MARK1: variants seen among roughly 807,000 people sequenced by gnomAD.
MARK1 encodes microtubule affinity regulating kinase 1.
A neutral mutation model predicts 96.3 loss-of-function variants in MARK1; 40 were observed. The observed-to-expected ratio is 0.42, with a 90% CI of 0.32 to 0.54. The LOEUF (loss-of-function observed/expected upper bound fraction) is 0.54, where lower values mean the gene tolerates loss of function less well. Ranked by LOEUF, MARK1 falls within the 20% of genes least tolerant of loss-of-function variation. The pLI is 0.16. For missense variants in MARK1, 719 were observed against 984.6 expected, an observed-to-expected ratio of 0.73 and a Z score of 3.61; for synonymous variants, 317 against 341.2, an observed-to-expected ratio of 0.93 and a Z score of 0.78.
intron 1 of MARK1, among the ~76,000 whole-genome samples, chr1:220,570,728 CT>C (rs1367932603): frequency 6.6e-6 from 1 of 152,004 alleles, no homozygotes; most frequent in Non-Finnish European, 1.5e-5. Flanking sequence ...GGCTACTTTT[CT>C]TCATTATTAT....
In MARK1 at chr1:220,533,012, T is replaced by TTA. The variant is rs1553311291; in HGVS notation, c.51+4139_51+4140insTA. ...GTGACAGAGTGTGAACCCTTTTTTT[T>TTA]AAAAAAAAAAATAGATTTTAGAAGA... On this transcript the variant is annotated intron_variant, in intron 1 of 17. Coordinates refer to ENST00000366917, the MANE Select transcript of MARK1 (RefSeq NM_018650.5). 7.5e-3 allele frequency among the ~76,000 whole-genome samples: 1,133 copies of TTA among 150,570 alleles called. 11 individuals carry two copies. Among genetic ancestry groups the TTA allele is most frequent in the African/African-American group, 0.023 (931 of 40,956 alleles).
At chr1:220,570,737 T>C (rs1326514548) in intron 1 of MARK1, among the ~76,000 whole-genome samples, 1 of 152,198 alleles carries the variant, frequency 6.6e-6, no homozygotes, top group African/African-American at 2.4e-5. Flanking sequence ...TCTTCATTAT[T>C]ATCTTACTGT....
chr1:220,641,100 T>C (rs1230614403), intron 13 of MARK1, among the ~76,000 whole-genome samples: 2 of 152,240 alleles, frequency 1.3e-5, no homozygotes, highest in Non-Finnish European at 2.9e-5. Flanking sequence ...GACACAAATA[T>C]GTTGTGCTGT....
intron 13 of MARK1, among the ~76,000 whole-genome samples, chr1:220,645,839 C>A (rs544243450): frequency 6.6e-6 from 1 of 152,050 alleles, no homozygotes; most frequent in Non-Finnish European, 1.5e-5. Flanking sequence ...AAAAAGCCTT[C>A]GATAAAATTC....
intron 3 of MARK1, among the ~76,000 whole-genome samples, chr1:220,594,134 T>C (rs1665169756): frequency 6.6e-6 from 1 of 152,218 alleles, no homozygotes; most frequent in Non-Finnish European, 1.5e-5. Context: ...CATCTGGTAT[T>C]GTTGAGGATT....
At chr1:220,635,647 T>G (rs1377769930) in intron 12 of MARK1, 118 bp downstream of exon 12, 5 of 1,224,856 alleles carry the variant, frequency 4.1e-6, no homozygotes, top group Non-Finnish European at 5.6e-6. Context: ...CACAGACTTA[T>G]ATTACTGAAT....
chr1:220,628,648 A>C (rs1034019301), intron 9 of MARK1, among the ~76,000 whole-genome samples: 1 of 152,054 alleles, frequency 6.6e-6, no homozygotes, highest in Non-Finnish European at 1.5e-5. Context: ...GCCCTCTTCT[A>C]TTCATTCTTA....
At chr1:220,580,024 G>A (rs1664127274) in intron 2 of MARK1, among the ~76,000 whole-genome samples, 1 of 152,020 alleles carries the variant, frequency 6.6e-6, no homozygotes, top group Admixed American at 6.6e-5. Context: ...AAAATCTCGT[G>A]TGTTTTAAGT....
At chr1:220,564,211 T>C (rs1241706404) in intron 1 of MARK1, among the ~76,000 whole-genome samples, 1 of 152,208 alleles carries the variant, frequency 6.6e-6, no homozygotes, top group East Asian at 1.9e-4. Flanking sequence ...GTGTTTTTAG[T>C]CTGTAACTTC....
At chr1:220,538,720 A>G (rs976360772) in intron 1 of MARK1, among the ~76,000 whole-genome samples, 1 of 152,132 alleles carries the variant, frequency 6.6e-6, no homozygotes, top group Non-Finnish European at 1.5e-5. Flanking sequence ...ATGTTCTTCC[A>G]TTTGTTTGTA....
chr1:220,660,938 G>A (rs1036233402), intron 17 of MARK1, among the ~76,000 whole-genome samples: 7 of 152,324 alleles, frequency 4.6e-5, no homozygotes, highest in African/African-American at 1.7e-4. Flanking sequence ...GTTAGAATGT[G>A]TAAGTGCTAT....
chr1:220,599,455 T>C (rs1382946652), intron 4 of MARK1, among the ~76,000 whole-genome samples: 1 of 152,134 alleles, frequency 6.6e-6, no homozygotes, highest in African/African-American at 2.4e-5. Context: ...GATGTCTCAC[T>C]GTAATGTAAC....
chr1:220,652,150 G>A lies in MARK1; in HGVS notation c.1736G>A (p.Gly579Asp). ...GACGGCTCTGAAGCTTACCGGCCTGGGTAATGTGTTGGTTACATCTCATTT... is the reference window on the plus strand; with the variant it reads ...GACGGCTCTGAAGCTTACCGGCCTGAGTAATGTGTTGGTTACATCTCATTT... ...IKDGSEAYRPGTTQRVPAASP... is the reference protein window; with the variant it reads ...IKDGSEAYRPDTTQRVPAASP... The change falls in exon 15 of 18, where the codon GGT becomes GAT. Residue 579 changes from glycine (G) to aspartate (D), a missense_variant and splice_region_variant. By Grantham distance (94) the Gly-to-Asp change is moderately conservative (BLOSUM62 -1). Coordinates refer to ENST00000366917, the MANE Select transcript of MARK1 (RefSeq NM_018650.5). The A allele has an allele frequency of 6.3e-7, 1 of 1,595,194 alleles. No individual in the cohort carries two copies. The highest frequency in any genetic ancestry group is 8.6e-7 in the Non-Finnish European group (1 of 1,165,074).
intron 1 of MARK1, among the ~76,000 whole-genome samples, chr1:220,533,296 A>G (rs79362889): frequency 0.023 from 3,450 of 152,282 alleles, 135 homozygotes; most frequent in African/African-American, 0.078. Context: ...GTGGGTGTGC[A>G]GGGCAATACA....
intron 1 of MARK1, among the ~76,000 whole-genome samples, chr1:220,536,095 A>G (rs1012095400): frequency 3.3e-5 from 5 of 151,934 alleles, no homozygotes; most frequent in African/African-American, 9.7e-5. Flanking sequence ...TGACTTTTGT[A>G]TGTTGATTTT....
intron 3 of MARK1, among the ~76,000 whole-genome samples, chr1:220,585,463 C>T (rs1572127797): frequency 6.6e-6 from 1 of 152,144 alleles, no homozygotes; most frequent in Non-Finnish European, 1.5e-5. Context: ...GAAAAACAAA[C>T]TGTGCAGTTT....
intron 10 of MARK1, among the ~76,000 whole-genome samples, chr1:220,631,757 C>T (rs919881598): frequency 2.0e-5 from 3 of 152,040 alleles, no homozygotes; most frequent in African/African-American, 7.2e-5. Flanking sequence ...TCAGAAAAAC[C>T]ATGGAAATTC....
chr1:220,637,536 G>C (rs903697965), intron 13 of MARK1, among the ~76,000 whole-genome samples: 21 of 151,974 alleles, frequency 1.4e-4, no homozygotes, highest in African/African-American at 5.1e-4. Flanking sequence ...AAAATTAGCT[G>C]GGCATGGTGG....
intron 1 of MARK1, among the ~76,000 whole-genome samples, chr1:220,552,017 T>C (rs1396654744): frequency 1.3e-5 from 2 of 152,142 alleles, no homozygotes; most frequent in African/African-American, 4.8e-5. Flanking sequence ...TAAGAAGAGG[T>C]GCCCCAGAGG....
Sources: gnomAD v4.1 joint callset for allele counts (sites outside exome capture counted in the v4.1 genomes callset) on GRCh38, gnomAD v4.1.1 for gene constraint, MANE v1.5 for transcripts, NCBI Gene and HGNC (gene_info 2026-07-23, HGNC 2026-07-21) for gene names.